NRXN3: variants seen among roughly 807,000 people sequenced by gnomAD.
NRXN3 encodes neurexin 3.
In NRXN3, 32 loss-of-function variants were observed where a neutral mutation model predicts 137.6. That is an observed-to-expected ratio of 0.23 (90% confidence interval 0.18 to 0.31). NRXN3 has a LOEUF of 0.31. Ranked by LOEUF, NRXN3 falls within the 10% of genes least tolerant of loss-of-function variation. The pLI, the probability that NRXN3 is intolerant of heterozygous loss-of-function variation, is 1.00. For missense variants in NRXN3, 1,574 were observed against 2,062.5 expected (o/e 0.76, Z 4.59); for synonymous variants, 798 against 784.5 (o/e 1.02, Z -0.29).
chr14:78,801,328 A>G (rs55943035), intron 8 of NRXN3, among the ~76,000 whole-genome samples: 1 of 152,246 alleles, frequency 6.6e-6, no homozygotes, highest in Non-Finnish European at 1.5e-5. Flanking sequence ...CTCAAAAAAA[A>G]GAAAAGAAAT....
At chr14:79,193,070 T>C (rs971113493) in intron 15 of NRXN3, among the ~76,000 whole-genome samples, 2 of 151,974 alleles carry the variant, frequency 1.3e-5, no homozygotes, top group Non-Finnish European at 2.9e-5. Flanking sequence ...CGCCTGGCTA[T>C]GTACAATTCT....
intron 15 of NRXN3, among the ~76,000 whole-genome samples, chr14:78,988,775 G>A (rs1167099169): frequency 6.7e-6 from 1 of 149,072 alleles, no homozygotes; most frequent in African/African-American, 2.6e-5. Context: ...ATATATATGT[G>A]TGTGTGTGTG....
intron 4 of NRXN3, among the ~76,000 whole-genome samples, chr14:78,321,742 G>A (rs1167586042): frequency 1.3e-5 from 2 of 151,994 alleles, no homozygotes; most frequent in African/African-American, 2.4e-5. Flanking sequence ...TCCCTAAACC[G>A]AGTCAAAAGA....
intron 10 of NRXN3, among the ~76,000 whole-genome samples, chr14:78,932,195 TAG>T (rs1322399482): frequency 1.3e-5 from 2 of 152,016 alleles, no homozygotes; most frequent in African/African-American, 2.4e-5. Flanking sequence ...ATCATTTGGC[TAG>T]AGAGTGTGAG....
At chr14:78,222,596 G>A (rs1015504434) in intron 1 of NRXN3, among the ~76,000 whole-genome samples, 2 of 152,146 alleles carry the variant, frequency 1.3e-5, no homozygotes, top group African/African-American at 4.8e-5. Context: ...CAGGGTGTTG[G>A]GAACTTTTTT....
At chr14:79,762,708 T>C (rs928325635) in intron 19 of NRXN3, among the ~76,000 whole-genome samples, 2 of 151,768 alleles carry the variant, frequency 1.3e-5, no homozygotes, top group Admixed American at 1.3e-4. Context: ...CCCATGGTTA[T>C]TGGTTTCGTG....
intron 15 of NRXN3, among the ~76,000 whole-genome samples, chr14:79,025,983 G>T (rs2099597380): frequency 6.6e-6 from 1 of 152,130 alleles, no homozygotes; most frequent in Non-Finnish European, 1.5e-5. Flanking sequence ...CAAGAGGAAT[G>T]GAACAGCAGA....
chr14:78,676,585 G>A (rs2098009899), intron 6 of NRXN3, among the ~76,000 whole-genome samples: 1 of 152,148 alleles, frequency 6.6e-6, no homozygotes. Flanking sequence ...AATTGAAGCA[G>A]CAAGTGCTGA....
At chr14:78,329,110 A>G (rs1334268076) in intron 4 of NRXN3, among the ~76,000 whole-genome samples, 1 of 152,202 alleles carries the variant, frequency 6.6e-6, no homozygotes, top group Non-Finnish European at 1.5e-5. Context: ...GCCTTTGTCT[A>G]CAGCATGTTA....
chr14:79,434,600 A>T (rs2095814484), intron 15 of NRXN3, among the ~76,000 whole-genome samples: 1 of 152,242 alleles, frequency 6.6e-6, no homozygotes, highest in Non-Finnish European at 1.5e-5. Context: ...AACACTATGC[A>T]AATGAATCGC....
intron 4 of NRXN3, among the ~76,000 whole-genome samples, chr14:78,593,218 G>A (rs1052992009): frequency 9.9e-5 from 15 of 152,142 alleles, no homozygotes; most frequent in South Asian, 2.1e-4. Context: ...ATGGTTTCCC[G>A]CCCTGTCCTC....
At chr14:78,554,992 G>C (rs78027038) in intron 4 of NRXN3, among the ~76,000 whole-genome samples, 1 of 152,042 alleles carries the variant, frequency 6.6e-6, no homozygotes, top group African/African-American at 2.4e-5. Flanking sequence ...GGCTCTGGAG[G>C]CCCATTGGGA....
chr14:79,673,129 G>A (rs2098619886), intron 17 of NRXN3, among the ~76,000 whole-genome samples: 1 of 152,054 alleles, frequency 6.6e-6, no homozygotes. Context: ...CTAGCAGGCT[G>A]AAGAGAGGGG....
In NRXN3 at chr14:78,716,411, C is replaced by G. The variant is rs146524772; in HGVS notation, c.2044+1272C>G. On this transcript the variant is annotated intron_variant, in intron 8 of 20. Coordinates refer to ENST00000335750, the MANE Select transcript of NRXN3 (RefSeq NM_001330195.2). ...CTCTAGGGCTTTGAGAATGCTGTAC[C>G]TGTATAGTTCTTGCCCTCAAGAAGA... Among the ~76,000 whole-genome samples the G allele has an allele frequency of 6.2e-3, 946 of 152,294 alleles. 16 individuals are homozygous for G. Among genetic ancestry groups the G allele is most frequent in the African/African-American group, 0.022 (913 of 41,574 alleles).
At chr14:79,625,745 T>C (rs986204062) in intron 16 of NRXN3, among the ~76,000 whole-genome samples, 4 of 152,238 alleles carry the variant, frequency 2.6e-5, no homozygotes, top group Admixed American at 2.6e-4. Flanking sequence ...TGCTCCTTTA[T>C]TCCCAGTTGT....
chr14:79,697,471 G>A (rs898539016), intron 18 of NRXN3, among the ~76,000 whole-genome samples, 159 bp from the exon 19 acceptor site: 2 of 151,954 alleles, frequency 1.3e-5, no homozygotes, highest in African/African-American at 4.8e-5. Context: ...ATAATGAAAT[G>A]TTACTTGCTA....
chr14:78,769,480 C>T (rs931898995), intron 8 of NRXN3, among the ~76,000 whole-genome samples: 1 of 152,204 alleles, frequency 6.6e-6, no homozygotes, highest in African/African-American at 2.4e-5. Context: ...AATTGACTTC[C>T]TTTCTCCTGA....
At chr14:79,680,441 G>A (rs899158620) in intron 17 of NRXN3, among the ~76,000 whole-genome samples, 6 of 138,924 alleles carry the variant, frequency 4.3e-5, no homozygotes, top group African/African-American at 1.6e-4. Context: ...AGGTAGGACT[G>A]TTTGTGTGTG....
chr14:79,855,014 C>G (rs1392501666), intron 20 of NRXN3, among the ~76,000 whole-genome samples: 1 of 152,160 alleles, frequency 6.6e-6, no homozygotes, highest in Non-Finnish European at 1.5e-5. Flanking sequence ...CACACACATT[C>G]TCTCTCTCCC....
Sources: allele counts gnomAD v4.1 joint callset (sites outside exome capture counted in the v4.1 genomes callset), GRCh38; gene constraint gnomAD v4.1.1; transcripts MANE v1.5; gene names NCBI Gene and HGNC (gene_info 2026-07-23, HGNC 2026-07-21).